The following IDE variants were observed in gnomAD, a reference collection of about 807,000 sequenced individuals.
IDE encodes insulin degrading enzyme.
IDE carries 58 observed loss-of-function variants against 133.2 expected under a neutral mutation model. The ratio of observed to expected loss-of-function variants is 0.44; its 90% CI spans 0.35 to 0.54. The LOEUF (loss-of-function observed/expected upper bound fraction) is 0.54. IDE is among the 20% of genes least tolerant of loss of function. IDE has a pLI of 0.00. For synonymous variants in IDE, 396 were observed against 421.3 expected, an observed-to-expected ratio of 0.94 and a Z score of 0.73; for missense variants, 981 against 1,234.0, an observed-to-expected ratio of 0.79 and a Z score of 3.07.
At chr10:92,455,051 T>A (rs187450514) in intron 24 of IDE, among the ~76,000 whole-genome samples, 1 of 152,092 alleles carries the variant, frequency 6.6e-6, no homozygotes, top group Admixed American at 6.5e-5. Context: ...ATAACACAAC[T>A]GTTCAAACAG....
chr10:92,507,889 CCAAGTCCACATTTAA>C (rs1158088565), intron 8 of IDE, among the ~76,000 whole-genome samples: 2 of 152,102 alleles, frequency 1.3e-5, no homozygotes, highest in African/African-American at 4.8e-5. Context: ...AAATAAAAAG[CCAAGTCCACATTTAA>C]CAAGTGCAAC....
chr10:92,572,923 A>G (rs1250448618), intron 1 of IDE: 2 of 985,026 alleles, frequency 2.0e-6, no homozygotes, highest in African/African-American at 3.5e-5. Flanking sequence ...CCTTGTAGCT[A>G]TCTCAATTCC....
chr10:92,541,856 A>G (rs1282280114), intron 1 of IDE, among the ~76,000 whole-genome samples: 2 of 152,172 alleles, frequency 1.3e-5, no homozygotes, highest in Non-Finnish European at 2.9e-5. Context: ...AGACCTACTG[A>G]GCCATAATCT....
chr10:92,551,068 G>T (rs773335050), intron 1 of IDE, among the ~76,000 whole-genome samples: 6 of 152,218 alleles, frequency 3.9e-5, no homozygotes, highest in Middle Eastern at 3.4e-3. Context: ...ATATACAAAA[G>T]AAATGAAACC....
At chr10:92,552,024 A>G (rs1235929795) in intron 1 of IDE, among the ~76,000 whole-genome samples, 1 of 152,214 alleles carries the variant, frequency 6.6e-6, no homozygotes, top group Non-Finnish European at 1.5e-5. Flanking sequence ...ATTCTTTATC[A>G]CAATAATAAA....
chr10:92,533,226 TA>T (rs1850039342), intron 3 of IDE, among the ~76,000 whole-genome samples: 1 of 152,214 alleles, frequency 6.6e-6, no homozygotes, highest in African/African-American at 2.4e-5. Flanking sequence ...AGAGATCTAT[TA>T]TATGAACATC....
intron 1 of IDE, among the ~76,000 whole-genome samples, chr10:92,564,144 C>G (rs1009960239): frequency 4.6e-5 from 7 of 151,998 alleles, no homozygotes; most frequent in African/African-American, 1.7e-4. Context: ...AAAGCTTGTT[C>G]CAATATACAA....
At chr10:92,517,593 T>G (rs1157171030) in intron 4 of IDE, among the ~76,000 whole-genome samples, 3 of 152,048 alleles carry the variant, frequency 2.0e-5, no homozygotes, top group Admixed American at 6.6e-5. Context: ...TTATTTTTAT[T>G]TTTTTTGGTA....
At chr10:92,521,167 G>T (rs1045130293) in intron 4 of IDE, among the ~76,000 whole-genome samples, 5 of 152,130 alleles carry the variant, frequency 3.3e-5, no homozygotes, top group African/African-American at 1.2e-4. Flanking sequence ...TGGAATAATA[G>T]AATTAGCATT....
chr10:92,519,494 G>A (rs188827644), intron 4 of IDE, among the ~76,000 whole-genome samples: 76 of 152,308 alleles, frequency 5.0e-4, no homozygotes, highest in African/African-American at 1.7e-3. Flanking sequence ...TCCACTCTAC[G>A]CCTGCTAGGA....
chr10:92,498,188 C>T (rs561742030), intron 11 of IDE, among the ~76,000 whole-genome samples: 1 of 152,266 alleles, frequency 6.6e-6, no homozygotes, highest in Admixed American at 6.5e-5. Flanking sequence ...TCACAAGTCC[C>T]CCTTTCAGGA....
intron 12 of IDE, among the ~76,000 whole-genome samples, chr10:92,488,070 C>A (rs1847108974): frequency 1.3e-5 from 2 of 152,066 alleles, no homozygotes; most frequent in South Asian, 4.1e-4. Flanking sequence ...GCTGGGATTA[C>A]AGGTGTGAGC....
intron 5 of IDE, among the ~76,000 whole-genome samples, chr10:92,510,827 A>G (rs1387636640): frequency 6.6e-6 from 1 of 151,154 alleles, no homozygotes; most frequent in East Asian, 1.9e-4. Context: ...TATGATATAT[A>G]GCACATACAT....
rs1452240588 is a variant in IDE, at chr10:92,463,958, C to A, written c.2534G>T (p.Gly845Val). Residue 845 changes from glycine to valine, a missense_variant, in exon 21 of 25, where the codon GGC (glycine) becomes GTC (valine). By Grantham distance (109) the Gly-to-Val change is moderately radical (BLOSUM62 -3). This residue lies in a region of IDE where 660 missense variants were observed against 894.7 expected (regional missense o/e 0.74). Coordinates refer to ENST00000265986, the MANE Select transcript of IDE (RefSeq NM_004969.4). ...TTCTGACTGGATGATGAATCTCAAGCCCTGTATGCCATTAGCTCGACGTGG... is the reference window on the plus strand; with the variant it reads ...TTCTGACTGGATGATGAATCTCAAGACCTGTATGCCATTAGCTCGACGTGG... ...SGPRRANGIQ[G>V]LRFIIQSEKP... 3 of 1,614,126 alleles carry A rather than the reference C, an allele frequency of 1.9e-6. No homozygotes were observed. Among genetic ancestry groups the A allele is most frequent in the Admixed American group, 3.3e-5 (2 of 60,018 alleles).
chr10:92,469,092 T>A (rs1845835478), intron 18 of IDE, 102 bp from the exon 19 acceptor site: 3 of 669,872 alleles, frequency 4.5e-6, no homozygotes, highest in Non-Finnish European at 7.9e-6. Context: ...TCTAAAACCT[T>A]AAATATATTT....
At chr10:92,490,465 G>C in intron 12 of IDE, 28 bp downstream of exon 12, 1 of 1,342,012 alleles carries the variant, frequency 7.5e-7, no homozygotes, top group South Asian at 1.2e-5. Context: ...TCACATGTCA[G>C]GCTTATTCAT....
intron 17 of IDE, among the ~76,000 whole-genome samples, chr10:92,472,750 T>C (rs1846031718): frequency 6.6e-6 from 1 of 150,794 alleles, no homozygotes; most frequent in Admixed American, 6.6e-5. Context: ...GCGATTCTCC[T>C]GCCTCAGCCT....
intron 11 of IDE, among the ~76,000 whole-genome samples, chr10:92,497,438 C>T (rs550827428): frequency 6.6e-6 from 1 of 152,194 alleles, no homozygotes; most frequent in Non-Finnish European, 1.5e-5. Flanking sequence ...AGAACAGATA[C>T]ACAGTACCAT....
intron 22 of IDE, among the ~76,000 whole-genome samples, chr10:92,458,982 A>G (rs2135312027): frequency 6.6e-6 from 1 of 152,312 alleles, no homozygotes; most frequent in South Asian, 2.1e-4. Context: ...AAAGGAAGCC[A>G]TGAGGTAAAG....
Sources: allele counts gnomAD v4.1 joint callset (sites outside exome capture counted in the v4.1 genomes callset), GRCh38; gene constraint gnomAD v4.1.1; regional missense constraint gnomAD v4.1.1; transcripts MANE v1.5; gene names NCBI Gene and HGNC (gene_info 2026-07-23, HGNC 2026-07-21).